The following ALK variants were observed in gnomAD, a reference collection of about 807,000 sequenced individuals.
ALK encodes the protein ALK receptor tyrosine kinase.
Under a neutral mutation model 163.1 loss-of-function variants are expected in ALK, and 74 were observed. The ratio of observed to expected loss-of-function variants is 0.45; its 90% CI spans 0.38 to 0.55. The LOEUF is 0.55. ALK is among the 20% of genes least tolerant of loss of function. The pLI is 0.00. For synonymous variants in ALK, 960 were observed against 843.2 expected (o/e 1.14, Z -2.40); for missense variants, 2,063 against 2,105.3 (o/e 0.98, Z 0.39).
intron 13 of ALK, among the ~76,000 whole-genome samples, chr2:29,234,245 C>T (rs986722845): frequency 5.3e-5 from 8 of 151,912 alleles, no homozygotes; most frequent in South Asian, 4.2e-4. Flanking sequence ...CTGGAGGGAG[C>T]GTAAATTAGG....
chr2:29,276,905 T>C (rs1258800229), intron 9 of ALK, among the ~76,000 whole-genome samples: 1 of 152,176 alleles, frequency 6.6e-6, no homozygotes, highest in Non-Finnish European at 1.5e-5. Context: ...AACGGGATTG[T>C]GGTGCTCTCT....
intron 1 of ALK, among the ~76,000 whole-genome samples, chr2:29,875,242 G>T (rs567047699): frequency 6.6e-6 from 1 of 152,142 alleles, no homozygotes; most frequent in Non-Finnish European, 1.5e-5. Context: ...GTAGACTAGA[G>T]GTTACTAGGG....
At chr2:29,842,832 C>G (rs764739022) in intron 1 of ALK, among the ~76,000 whole-genome samples, 2 of 152,214 alleles carry the variant, frequency 1.3e-5, no homozygotes, top group Non-Finnish European at 2.9e-5. Flanking sequence ...GTTCCACCAA[C>G]ATTCCTCTCT....
intron 4 of ALK, among the ~76,000 whole-genome samples, chr2:29,508,333 T>C (rs1268857066): frequency 6.6e-6 from 1 of 152,200 alleles, no homozygotes; most frequent in Non-Finnish European, 1.5e-5. Flanking sequence ...GCAGAAAATG[T>C]GGCACATATA....
chr2:29,756,159 A>G (rs1467030614), intron 1 of ALK, among the ~76,000 whole-genome samples: 8 of 152,344 alleles, frequency 5.3e-5, no homozygotes, highest in Non-Finnish European at 2.9e-5. Context: ...TTGCACATGC[A>G]GTTCCCTTGG....
chr2:29,318,281 A>C, intron 8 of ALK, 23 bp downstream of exon 8: 1 of 1,577,484 alleles, frequency 6.3e-7, no homozygotes, highest in Non-Finnish European at 8.7e-7. Context: ...AAATTAGAGA[A>C]CTAGAGAAAC....
At chr2:29,716,972 C>T (rs1481513362) in intron 2 of ALK, among the ~76,000 whole-genome samples, 2 of 108,320 alleles carry the variant, frequency 1.8e-5, no homozygotes, top group African/African-American at 7.3e-5. Flanking sequence ...GTAACACAGT[C>T]AAACCCCGTG....
intron 4 of ALK, among the ~76,000 whole-genome samples, chr2:29,462,579 G>A (rs560447155): frequency 1.3e-5 from 2 of 152,242 alleles, no homozygotes; most frequent in Admixed American, 1.3e-4. Flanking sequence ...ATTAAGGTAT[G>A]TACATTTTTT....
intron 3 of ALK, among the ~76,000 whole-genome samples, chr2:29,554,309 T>C (rs1011047454): frequency 1.3e-5 from 2 of 152,226 alleles, no homozygotes; most frequent in East Asian, 1.9e-4. Context: ...TCTTTAGGAC[T>C]TCCTTAGCTA....
At chr2:29,670,619 T>C (rs1677654311) in intron 3 of ALK, among the ~76,000 whole-genome samples, 1 of 152,076 alleles carries the variant, frequency 6.6e-6, no homozygotes, top group South Asian at 2.1e-4. Context: ...CCTTGGCTCC[T>C]TCTTGAACAC....
chr2:29,200,741 G>GTA (rs575838162), intron 26 of ALK, among the ~76,000 whole-genome samples: 10 of 109,376 alleles, frequency 9.1e-5, no homozygotes, highest in East Asian at 4.9e-4. Flanking sequence ...ATATATATAC[G>GTA]TATATATATA....
chr2:29,543,975 G>A (rs1673482637), intron 3 of ALK, among the ~76,000 whole-genome samples: 1 of 152,138 alleles, frequency 6.6e-6, no homozygotes, highest in Admixed American at 6.5e-5. Context: ...ATACACACAT[G>A]CATGGATGGA....
chr2:29,660,773 T>G (rs895263574), intron 3 of ALK, among the ~76,000 whole-genome samples: 1 of 152,050 alleles, frequency 6.6e-6, no homozygotes, highest in African/African-American at 2.4e-5. Flanking sequence ...GTTCCAAAGC[T>G]CACAGCTTTC....
In ALK at chr2:29,274,583, C is replaced by T. The variant is rs2148214599; in HGVS notation, c.2041+516G>A. ...GAGTTCTGCTGAAGTGGCAAGGGGC[C>T]ATGAGAAGTCTTGGCTTGGGGTATG... On this transcript the variant is annotated intron_variant, in intron 11 of 28. Transcript: ENST00000389048. Among the ~76,000 whole-genome samples, 2 of 152,308 alleles carry T rather than the reference C, an allele frequency of 1.3e-5. 1 individual carries two copies. The highest frequency in any genetic ancestry group is 4.1e-4 in the South Asian group (2 of 4,828).
chr2:29,688,881 T>C (rs1037075885), intron 3 of ALK, among the ~76,000 whole-genome samples: 14 of 152,158 alleles, frequency 9.2e-5, no homozygotes, highest in African/African-American at 3.4e-4. Context: ...GAGATGAACT[T>C]CAGGGTGGCC....
intron 3 of ALK, among the ~76,000 whole-genome samples, chr2:29,605,483 T>C (rs539294001): frequency 6.6e-6 from 1 of 152,342 alleles, no homozygotes; most frequent in South Asian, 2.1e-4. Context: ...CCCAGTGTGA[T>C]AGCATTTGGA....
chr2:29,475,941 G>A (rs186354807), intron 4 of ALK, among the ~76,000 whole-genome samples: 1 of 152,346 alleles, frequency 6.6e-6, no homozygotes, highest in East Asian at 1.9e-4. Flanking sequence ...TCTCACAACT[G>A]CAATGAAGTG....
chr2:29,236,724 G>A lies in ALK; in HGVS notation c.2355+2956C>T, dbSNP rs116266464. 6.4e-3 allele frequency among the ~76,000 whole-genome samples: 968 copies of A among 152,130 alleles called. 7 individuals carry two copies. Among genetic ancestry groups the A allele is most frequent in the African/African-American group, 0.022 (918 of 41,484 alleles). On this transcript the variant is annotated intron_variant, in intron 13 of 28. Transcript: ENST00000389048. Reference sequence around the variant, plus strand: ...CTCCCTGGTTCCTCTTCTTTGTCCCGCTTTGCTGGTTCCTCTTCTTTTCCT... The same window carrying A: ...CTCCCTGGTTCCTCTTCTTTGTCCCACTTTGCTGGTTCCTCTTCTTTTCCT...
intron 1 of ALK, among the ~76,000 whole-genome samples, chr2:29,776,832 A>G (rs1285645057): frequency 6.6e-6 from 1 of 152,154 alleles, no homozygotes; most frequent in Non-Finnish European, 1.5e-5. Context: ...AAAAGAAAAA[A>G]CAAGCCCAAA....
Sources: gnomAD v4.1 joint callset for allele counts (sites outside exome capture counted in the v4.1 genomes callset) on GRCh38, gnomAD v4.1.1 for gene constraint, MANE v1.5 for transcripts, NCBI Gene and HGNC (gene_info 2026-07-23, HGNC 2026-07-21) for gene names.